STAT5B: variants seen among roughly 807,000 people sequenced by gnomAD.
STAT5B encodes the protein transcription factor STAT5B.
A neutral mutation model predicts 107.8 loss-of-function variants in STAT5B; 21 were observed. The ratio of observed to expected loss-of-function variants is 0.19; its 90% CI spans 0.14 to 0.28. The LOEUF is 0.28. STAT5B is among the 10% of genes least tolerant of loss of function. The pLI is 1.00. For missense variants in STAT5B, 565 were observed against 1,008.2 expected (o/e 0.56, Z 5.95); for synonymous variants, 325 against 401.7 (o/e 0.81, Z 2.28).
intron 1 of STAT5B, among the ~76,000 whole-genome samples, chr17:42,263,608 C>A (rs2080637402): frequency 6.6e-6 from 1 of 152,116 alleles, no homozygotes; most frequent in Non-Finnish European, 1.5e-5. Flanking sequence ...CTCATTGCAG[C>A]CTCGAACTCC....
At chr17:42,219,206 C>T (rs2080201757) in intron 7 of STAT5B, 106 bp downstream of exon 7, 4 of 1,460,458 alleles carry the variant, frequency 2.7e-6, no homozygotes, top group African/African-American at 1.4e-5. Context: ...CAAGAGCTGT[C>T]CCAGGATGGA....
intron 1 of STAT5B, among the ~76,000 whole-genome samples, chr17:42,255,631 G>C (rs896550904): frequency 6.6e-6 from 1 of 152,200 alleles, no homozygotes; most frequent in African/African-American, 2.4e-5. Context: ...AGAATGAATG[G>C]CGGTTGTCAG....
intron 1 of STAT5B, chr17:42,234,152 A>G (rs1022548254): frequency 2.0e-5 from 3 of 152,228 alleles, no homozygotes; most frequent in Non-Finnish European, 4.4e-5. Flanking sequence ...CAGAGACTGT[A>G]CAAGTGTGTC....
chr17:42,262,820 A>G (rs1418159902), intron 1 of STAT5B, among the ~76,000 whole-genome samples: 18 of 130,342 alleles, frequency 1.4e-4, no homozygotes, highest in African/African-American at 4.0e-4. Flanking sequence ...ACACACATAT[A>G]TATGTGTATA....
intron 5 of STAT5B, among the ~76,000 whole-genome samples, chr17:42,222,149 C>A (rs1235777369): frequency 4.4e-5 from 5 of 112,780 alleles, no homozygotes; most frequent in Admixed American, 9.3e-5. Context: ...TGTGTGTGTG[C>A]TGTGTGTGTG....
At chr17:42,274,467 G>A (rs1410600121) in intron 1 of STAT5B, among the ~76,000 whole-genome samples, 1 of 152,054 alleles carries the variant, frequency 6.6e-6, no homozygotes, top group East Asian at 1.9e-4. Context: ...TGTCACATAG[G>A]AAGTTTTTCT....
At chr17:42,217,136 C>A (rs370857636) in intron 11 of STAT5B, 24 bp downstream of exon 11, 3 of 1,603,812 alleles carry the variant, frequency 1.9e-6, no homozygotes, top group South Asian at 1.1e-5. Flanking sequence ...CACACGCACA[C>A]GCAGAGCTGA....
chr17:42,287,001 G>A, the STAT5B span, among the ~76,000 whole-genome samples: 1 of 152,156 alleles, frequency 6.6e-6, no homozygotes, highest in Admixed American at 6.5e-5. Context: ...GAGTGGGAAA[G>A]GAGAGGAGAG....
intron 1 of STAT5B, among the ~76,000 whole-genome samples, chr17:42,240,459 AAT>A (rs2080392627): frequency 1.3e-5 from 2 of 152,182 alleles, no homozygotes; most frequent in Non-Finnish European, 2.9e-5. Context: ...AGAGACGGAA[AAT>A]AGATTGTTGG....
chr17:42,227,556 C>T lies in STAT5B; in HGVS notation c.258G>A (p.Lys86=), dbSNP rs1327482076. The T allele has an allele frequency of 6.2e-7, 1 of 1,613,342 alleles. No homozygotes were observed. The highest frequency in any genetic ancestry group is 8.5e-7 in the Non-Finnish European group (1 of 1,179,850). Residue 86 remains lysine (K), a synonymous_variant, in exon 3 of 19, where the codon AAG becomes AAA. Coordinates refer to ENST00000293328, the MANE Select transcript of STAT5B (RefSeq NM_012448.4). The stretch of plus-strand genomic sequence containing the variant: ...GGAGCTGTGTGGCATAGTGCCCCAG[C>T]TTGATCTTCAGTAAAAACCCATCTT... ...VGEDGFLLKI[K]LGHYATQLQN...
intron 1 of STAT5B, chr17:42,275,330 A>G (rs2080755745): frequency 6.6e-6 from 1 of 152,222 alleles, no homozygotes; most frequent in Admixed American, 6.5e-5. Flanking sequence ...TTTGGCAAAG[A>G]GAGAATCGGT....
At chr17:42,235,355 C>T (rs995833356) in intron 1 of STAT5B, 4 of 152,110 alleles carry the variant, frequency 2.6e-5, no homozygotes, top group African/African-American at 4.8e-5. Context: ...TTTTTTGTTG[C>T]ATAAATAAAT....
the STAT5B span, chr17:42,287,738 G>A: frequency 6.6e-6 from 1 of 152,266 alleles, no homozygotes; most frequent in African/African-American, 2.4e-5. Flanking sequence ...GTGTGGCCCT[G>A]GGTGGCCCCG....
chr17:42,250,695 C>A (rs1335307896), intron 1 of STAT5B, among the ~76,000 whole-genome samples: 1 of 151,984 alleles, frequency 6.6e-6, no homozygotes, highest in Non-Finnish European at 1.5e-5. Context: ...GAGGCCAAGG[C>A]GGGCGGATCA....
At chr17:42,215,898 A>C in intron 12 of STAT5B, 116 bp downstream of exon 12, 1 of 1,179,448 alleles carries the variant, frequency 8.5e-7, no homozygotes, top group Non-Finnish European at 1.2e-6. Context: ...CTGGGATTAC[A>C]AGTGTGAGTC....
At chr17:42,230,274 T>A (rs1179609849) in intron 2 of STAT5B, among the ~76,000 whole-genome samples, 1 of 152,206 alleles carries the variant, frequency 6.6e-6, no homozygotes, top group Non-Finnish European at 1.5e-5. Context: ...TAAGGCAACA[T>A]TACAGACAGG....
chr17:42,219,870 C>T (rs2080209290), intron 5 of STAT5B, 28 bp from the exon 6 acceptor site: 1 of 1,614,056 alleles, frequency 6.2e-7, no homozygotes, highest in Non-Finnish European at 8.5e-7. Flanking sequence ...AAACCATGAC[C>T]ATCACCTCCC....
At chr17:42,213,467 A>AG (rs1481224968) in intron 12 of STAT5B, among the ~76,000 whole-genome samples, 1 of 152,170 alleles carries the variant, frequency 6.6e-6, no homozygotes, top group African/African-American at 2.4e-5. Context: ...TTGGCCTCCC[A>AG]AAGTGCTGGG....
intron 12 of STAT5B, among the ~76,000 whole-genome samples, chr17:42,212,562 A>G (rs1567656861): frequency 6.6e-6 from 1 of 152,222 alleles, no homozygotes. Flanking sequence ...ACAAACAGAG[A>G]GAGTGTGCGT....
Sources: gnomAD v4.1 joint callset for allele counts (sites outside exome capture counted in the v4.1 genomes callset) on GRCh38, gnomAD v4.1.1 for gene constraint, MANE v1.5 for transcripts, NCBI Gene and HGNC (gene_info 2026-07-23, HGNC 2026-07-21) for gene names.